Variants in HECTD4 observed in about 807,000 individuals in gnomAD.
HECTD4 encodes HECT domain E3 ubiquitin protein ligase 4.
Under a neutral mutation model 471.5 loss-of-function variants are expected in HECTD4, and 114 were observed. The ratio of observed to expected loss-of-function variants is 0.24; its 90% CI spans 0.21 to 0.28. The LOEUF (loss-of-function observed/expected upper bound fraction) is 0.28, where lower values mean the gene tolerates loss of function less well. Among genes scored for constraint, HECTD4 ranks in the 10% least tolerant of loss-of-function variants. HECTD4 has a pLI of 1.00. For synonymous variants in HECTD4, 2,012 were observed against 2,256.0 expected, an observed-to-expected ratio of 0.89 and a Z score of 3.07; for missense variants, 3,866 against 5,651.5, an observed-to-expected ratio of 0.68 and a Z score of 10.13.
intron 1 of HECTD4, among the ~76,000 whole-genome samples, chr12:112,332,268 C>T (rs1206932584): frequency 6.6e-6 from 1 of 152,094 alleles, no homozygotes; most frequent in African/African-American, 2.4e-5. Flanking sequence ...CGCGGTGGCT[C>T]ACACCTATAA....
Position 112,243,710 on chromosome 12 carries a change from C to A in HECTD4, c.4701G>T (p.Ser1567=). 1 of 1,613,870 alleles carries A rather than the reference C, an allele frequency of 6.2e-7. No individual in the cohort carries two copies. Residue 1567 remains serine (S), a synonymous_variant, in exon 31 of 76, where the codon TCG becomes TCT. Transcript: ENST00000682272. This position sits in a 1 kb window ranked among gnomAD's most constrained non-coding sequence, Gnocchi z 6.6. The part of the protein sequence containing the change: ...HRSSSFTLLQ[S]LAIEDSRDKP... Reference sequence around the variant, plus strand: ...TGTCCCTGCTGTCCTCAATGGCCAGCGACTGCAGGAGTGTAAAGGAGCTGC... The same window carrying A: ...TGTCCCTGCTGTCCTCAATGGCCAGAGACTGCAGGAGTGTAAAGGAGCTGC...
intron 19 of HECTD4, 161 bp downstream of exon 19, chr12:112,258,951 A>G (rs934977209): frequency 1.5e-6 from 1 of 668,852 alleles, no homozygotes; most frequent in Admixed American, 3.5e-5. Context: ...TTCCCTTATT[A>G]TTTATTTTTA....
chr12:112,290,676 T>C (rs1387221458), intron 7 of HECTD4, among the ~76,000 whole-genome samples: 1 of 149,718 alleles, frequency 6.7e-6, no homozygotes, highest in Non-Finnish European at 1.5e-5. Context: ...GGAGAAACCC[T>C]GTCTCTACTA....
intron 7 of HECTD4, among the ~76,000 whole-genome samples, chr12:112,286,704 C>CA (rs905335884): frequency 1.3e-5 from 2 of 150,260 alleles, no homozygotes; most frequent in African/African-American, 2.4e-5. Context: ...CCCGCCCCAC[C>CA]AAAAAAAAAG....
At chr12:112,170,668 C>A in intron 68 of HECTD4, 1 of 557,220 alleles carries the variant, frequency 1.8e-6, no homozygotes, top group Non-Finnish European at 3.1e-6. Context: ...ACAATGCAAA[C>A]AAACTAGAGT....
chr12:112,200,868 TGTGTGTGC>T (rs1384165138), intron 54 of HECTD4, 70 bp from the exon 55 acceptor site: 5 of 1,277,440 alleles, frequency 3.9e-6, no homozygotes, highest in South Asian at 1.4e-5. Context: ...TGCGTGCGTG[TGTGTGTGC>T]GTGCGTGCGT....
Position 112,350,524 on chromosome 12 carries a change from A to G in HECTD4, c.178-30782T>C, listed in dbSNP as rs76659424. 5.3e-3 allele frequency among the ~76,000 whole-genome samples: 808 copies of G among 152,246 alleles called. 8 individuals are homozygous for G. The highest frequency in any genetic ancestry group is 0.018 in the African/African-American group (751 of 41,530). ...CCCATGTTGTTTTTCTTTATTAAGGATATGTACTAACGCTACACATGAAGC... is the reference window on the plus strand; with the variant it reads ...CCCATGTTGTTTTTCTTTATTAAGGGTATGTACTAACGCTACACATGAAGC... On this transcript the variant is annotated intron_variant, in intron 1 of 75. Transcript: ENST00000682272.
chr12:112,315,652 C>T (rs1350256504), intron 2 of HECTD4, among the ~76,000 whole-genome samples: 1 of 152,100 alleles, frequency 6.6e-6, no homozygotes, highest in Non-Finnish European at 1.5e-5. Flanking sequence ...GAAGCAAAAC[C>T]TTTAACATTT....
rs1420007606 is a variant in HECTD4 at position 112,193,813 on chromosome 12, G to A, written c.8750-139C>T. 8.3e-6 allele frequency: 6 copies of A among 723,600 alleles called. No homozygotes were observed. In the East Asian group the frequency reaches 1.6e-4, roughly 20 times the overall value. 44.8% of individuals were successfully genotyped at this position (723,600 alleles called of 1,614,324 possible). On this transcript the variant is annotated intron_variant, in intron 56 of 75. Coordinates refer to ENST00000682272, the MANE Select transcript of HECTD4 (RefSeq NM_001388303.1). This position sits in a 1 kb window ranked among gnomAD's most constrained non-coding sequence, Gnocchi z 5.2. ...CCTGGATATGATGTCCTGGATAACA[G>A]ATGCCGGCAATCAGATCCTCTGCAC...
chr12:112,279,675 AT>A (rs955968966), intron 8 of HECTD4, among the ~76,000 whole-genome samples: 1 of 152,248 alleles, frequency 6.6e-6, no homozygotes, highest in African/African-American at 2.4e-5. Context: ...TTCCAAAAAA[AT>A]AAATCCTCAC....
Position 112,212,619 on chromosome 12 carries a change from A to G in HECTD4, c.7497T>C (p.Thr2499=), listed in dbSNP as rs2135545506. 6.2e-7 allele frequency: 1 copy of G among 1,613,664 alleles called. No individual in the cohort carries two copies. Among genetic ancestry groups the G allele is most frequent in the East Asian group, 2.2e-5 (1 of 44,874 alleles). Residue 2499 remains threonine (T), a synonymous_variant, in exon 49 of 76, where the codon ACT becomes ACC. Coordinates refer to ENST00000682272, the MANE Select transcript of HECTD4 (RefSeq NM_001388303.1). ...GDVAGIGWER[T]EGTPPPPGQP... ...GTCCCGGAGGAGGTGGAGTCCCCTC[A>G]GTTCTCTCCCAGCCAATTCCTGCCA...
intron 1 of HECTD4, among the ~76,000 whole-genome samples, chr12:112,347,396 C>A (rs889522327): frequency 1.3e-5 from 2 of 152,104 alleles, no homozygotes; most frequent in Non-Finnish European, 2.9e-5. Context: ...GTAATCCCAG[C>A]TACTTGGGAA....
Position 112,161,673 on chromosome 12 carries a change from C to A in HECTD4, c.*714G>T, listed in dbSNP as rs1263751457. The A allele has an allele frequency of 1.3e-5, 2 of 152,142 alleles. No homozygotes were observed. The highest frequency in any genetic ancestry group is 2.9e-5 in the Non-Finnish European group (2 of 68,060). The allele number at this position is 152,142 out of a possible 1,614,324, so 9.4% of individuals were successfully genotyped here. ...TCTGTGAACTAAGGTCGGGATGAACCCTTAAGTCTCCTGCTCCCGAGGAGG... is the reference window on the plus strand; with the variant it reads ...TCTGTGAACTAAGGTCGGGATGAACACTTAAGTCTCCTGCTCCCGAGGAGG... On this transcript the variant is annotated 3_prime_UTR_variant, in exon 76 of 76. Coordinates refer to ENST00000682272, the MANE Select transcript of HECTD4 (RefSeq NM_001388303.1).
chr12:112,323,348 T>A (rs1875329064), intron 1 of HECTD4, among the ~76,000 whole-genome samples: 1 of 152,112 alleles, frequency 6.6e-6, no homozygotes, highest in Admixed American at 6.6e-5. Flanking sequence ...CAAATTCCAA[T>A]TCAAAAAATT....
chr12:112,184,972 G>A lies in HECTD4; in HGVS notation c.9994C>T (p.Arg3332Cys), dbSNP rs766451617. 13 of 1,613,178 alleles carry A rather than the reference G, an allele frequency of 8.1e-6. No individual in the cohort carries two copies. The highest frequency in any genetic ancestry group is 3.3e-5 in the Admixed American group (2 of 59,888). The change falls in exon 61 of 76, where the codon CGC becomes TGC. Residue 3332 changes from arginine (R) to cysteine (C), a missense_variant. Arg to Cys is a radical substitution (Grantham distance 180). Around this residue, in one of 16 missense-constraint regions of HECTD4, gnomAD observed 57 missense variants for 49.8 expected, o/e 1.14. Coordinates refer to ENST00000682272, the MANE Select transcript of HECTD4 (RefSeq NM_001388303.1). The surrounding 1 kb of genome is among the most constrained non-coding windows in gnomAD (Gnocchi z 9.1). ...ACGGTGGGGTCCGAGTCCACGGTGC[G>A]GGAAGACTGGCGCTTGCCCGACGAG... ...ASSSGKRQSS[R>C]TVDSDPTVLS...
At chr12:112,296,399 G>A (rs2035015064) in intron 7 of HECTD4, among the ~76,000 whole-genome samples, 1 of 151,356 alleles carries the variant, frequency 6.6e-6, no homozygotes, top group South Asian at 2.1e-4. Flanking sequence ...TGGAGTGGAT[G>A]TGGGTGCAGA....
At chr12:112,362,386 T>C (rs1383375962) in intron 1 of HECTD4, among the ~76,000 whole-genome samples, 1 of 152,216 alleles carries the variant, frequency 6.6e-6, no homozygotes, top group East Asian at 1.9e-4. Context: ...GGTGGACTAT[T>C]GCCTTATGGA....
In HECTD4 at chr12:112,193,359, G is replaced by A. The variant is rs985181263; in HGVS notation, c.8955+110C>T. On this transcript the variant is annotated intron_variant, in intron 57 of 75. Coordinates refer to ENST00000682272, the MANE Select transcript of HECTD4 (RefSeq NM_001388303.1). The surrounding 1 kb of genome is among the most constrained non-coding windows in gnomAD (Gnocchi z 5.2). ...GAAAAGCTTCTAGGAAAAGGAAATC[G>A]AGAGGAATAGGGACTTGGAAGGGAA... 3.7e-6 allele frequency: 5 copies of A among 1,340,464 alleles called. 1 individual carries two copies. Among genetic ancestry groups the A allele is most frequent in the South Asian group, 2.6e-5 (2 of 76,648 alleles). The allele number at this position is 1,340,464 out of a possible 1,614,324, so 83.0% of individuals were successfully genotyped here.
chr12:112,322,238 G>A, intron 1 of HECTD4: 1 of 152,534 alleles, frequency 6.6e-6, no homozygotes, highest in Non-Finnish European at 1.5e-5. Flanking sequence ...AGGTGTGGTG[G>A]CTCATGCCTG....
Sources: gnomAD v4.1 joint callset for allele counts (sites outside exome capture counted in the v4.1 genomes callset) on GRCh38, gnomAD v4.1.1 for gene constraint, gnomAD v4.1.1 regional missense constraint, Gnocchi (gnomAD v3.1) non-coding constraint, MANE v1.5 for transcripts, NCBI Gene and HGNC (gene_info 2026-07-23, HGNC 2026-07-21) for gene names.